Variants in AOAH observed in about 807,000 individuals in gnomAD.
The protein encoded by AOAH is acyloxyacyl hydrolase, also known as acyloxyacyl hydrolase (neutrophil).
A neutral mutation model predicts 92.2 loss-of-function variants in AOAH; 64 were observed. The observed-to-expected ratio is 0.69, with a 90% CI of 0.57 to 0.86. The LOEUF (loss-of-function observed/expected upper bound fraction) is 0.86, where lower values mean the gene tolerates loss of function less well. Among genes scored for constraint, AOAH ranks in the 40% least tolerant of loss-of-function variants. AOAH has a pLI of 0.00. For synonymous variants in AOAH, 263 were observed against 254.5 expected (o/e 1.03, Z -0.32); for missense variants, 656 against 694.6 (o/e 0.94, Z 0.62).
Position 36,716,739 on chromosome 7 carries a change from G to A in AOAH, c.127+7283C>T, listed in dbSNP as rs949343141. 1.4e-4 allele frequency among the ~76,000 whole-genome samples: 20 copies of A among 144,536 alleles called. 1 individual carries two copies. Among genetic ancestry groups the A allele is most frequent in the Admixed American group, 1.2e-3 (18 of 14,848 alleles). 94.8% of individuals were successfully genotyped at this position (144,536 alleles called of 152,430 possible). A position where few individuals can be genotyped will look rare whatever the true frequency, so the allele number is the denominator to read the frequency against. ...ATCAGAAGGACAACAAACAAAACAC[G>A]GCATGTTCTCAATCATAGGTGGGAA... On this transcript the variant is annotated intron_variant, in intron 1 of 20. Coordinates refer to ENST00000617537, the MANE Select transcript of AOAH (RefSeq NM_001637.4).
chr7:36,579,379 C>CA (rs1254827779), intron 12 of AOAH, among the ~76,000 whole-genome samples: 6 of 125,288 alleles, frequency 4.8e-5, no homozygotes, highest in South Asian at 5.5e-4. Context: ...CCCGCCCCCC[C>CA]CAAATTGTGA....
intron 13 of AOAH, among the ~76,000 whole-genome samples, chr7:36,551,760 T>C (rs188228413): frequency 2.0e-5 from 3 of 152,244 alleles, no homozygotes; most frequent in Non-Finnish European, 4.4e-5. Context: ...CTGCTATGGA[T>C]AGTCCCTGCT....
rs773637247 is a variant in AOAH, at chr7:36,594,336, T to C, written c.938+3A>G. The C allele has an allele frequency of 2.5e-6, 4 of 1,611,646 alleles. No individual in the cohort carries two copies. Among genetic ancestry groups the C allele is most frequent in the Non-Finnish European group, 3.4e-6 (4 of 1,177,698 alleles). On this transcript the variant is annotated splice_donor_region_variant and intron_variant, in intron 12 of 20. Transcript: ENST00000617537. ...ATGTCTGAGGGTGCACAAAGACACT[T>C]ACCCAACAGTGGAGTCCAGAAATCC...
At chr7:36,597,433 T>A (rs1790208656) in intron 11 of AOAH, among the ~76,000 whole-genome samples, 1 of 152,178 alleles carries the variant, frequency 6.6e-6, no homozygotes, top group Non-Finnish European at 1.5e-5. Context: ...TACTGTAGGA[T>A]GAGAATATTC....
At chr7:36,523,471 A>C (rs1384415444) in intron 19 of AOAH, among the ~76,000 whole-genome samples, 1 of 152,198 alleles carries the variant, frequency 6.6e-6, no homozygotes, top group African/African-American at 2.4e-5. Context: ...ATCGATGCTT[A>C]AACAGCACTC....
In AOAH at chr7:36,626,401, A is replaced by G. The variant is rs114406870; in HGVS notation, c.522-3151T>C. Reference sequence around the variant, plus strand: ...CTGATTTATTAACCTTTGTCTGCTTACTTTAAAGGCCCCAAGTGACTGGCC... The same window carrying G: ...CTGATTTATTAACCTTTGTCTGCTTGCTTTAAAGGCCCCAAGTGACTGGCC... On this transcript the variant is annotated intron_variant, in intron 6 of 20. Coordinates refer to ENST00000617537, the MANE Select transcript of AOAH (RefSeq NM_001637.4). Among the ~76,000 whole-genome samples, 843 of 152,334 alleles carry G rather than the reference A, an allele frequency of 5.5e-3. 6 individuals carry two copies. Among genetic ancestry groups the G allele is most frequent in the African/African-American group, 0.019 (792 of 41,578 alleles).
At chr7:36,603,763 A>G (rs1790777764) in intron 11 of AOAH, among the ~76,000 whole-genome samples, 1 of 152,168 alleles carries the variant, frequency 6.6e-6, no homozygotes, top group African/African-American at 2.4e-5. Flanking sequence ...CAACAGACTT[A>G]GTTTGTATCT....
intron 16 of AOAH, among the ~76,000 whole-genome samples, chr7:36,538,454 C>G (rs1342960640): frequency 6.6e-6 from 1 of 152,066 alleles, no homozygotes; most frequent in African/African-American, 2.4e-5. Context: ...AATTGCATGG[C>G]ATATCGGAAA....
chr7:36,551,756 T>C (rs1013682010), intron 13 of AOAH, among the ~76,000 whole-genome samples: 1 of 152,212 alleles, frequency 6.6e-6, no homozygotes, highest in Non-Finnish European at 1.5e-5. Flanking sequence ...AACGCTGCTA[T>C]GGATAGTCCC....
rs148563871 is a variant in AOAH at position 36,540,566 on chromosome 7, G to A, written c.1134-75C>T. On this transcript the variant is annotated intron_variant, in intron 15 of 20. Coordinates refer to ENST00000617537, the MANE Select transcript of AOAH (RefSeq NM_001637.4). Reference sequence around the variant, plus strand: ...GCATGCAAGTTGCACGCAAATACAAGATACATCACACACACATACGCACAC... The same window carrying A: ...GCATGCAAGTTGCACGCAAATACAAAATACATCACACACACATACGCACAC... 1.6e-3 allele frequency: 2,082 copies of A among 1,304,686 alleles called. 3 individuals are homozygous for A. The highest frequency in any genetic ancestry group is 2.9e-3 in the Middle Eastern group (15 of 5,096). 80.8% of individuals were successfully genotyped at this position (1,304,686 alleles called of 1,614,324 possible).
At chr7:36,715,308 C>A (rs1245567884) in intron 1 of AOAH, among the ~76,000 whole-genome samples, 1 of 152,144 alleles carries the variant, frequency 6.6e-6, no homozygotes, top group Non-Finnish European at 1.5e-5. Context: ...CAAACCACTG[C>A]TCAATGAAAT....
intron 12 of AOAH, among the ~76,000 whole-genome samples, chr7:36,581,529 C>G (rs1788932137): frequency 6.6e-6 from 1 of 152,132 alleles, no homozygotes; most frequent in African/African-American, 2.4e-5. Flanking sequence ...GAAATGGACA[C>G]TGGATCTGAG....
chr7:36,606,623 T>C (rs1473355427), intron 11 of AOAH, among the ~76,000 whole-genome samples: 1 of 152,246 alleles, frequency 6.6e-6, no homozygotes, highest in African/African-American at 2.4e-5. Context: ...GCATTTAATA[T>C]GTTGGAAATA....
chr7:36,590,998 G>A (rs907220022), intron 12 of AOAH, among the ~76,000 whole-genome samples: 5 of 152,142 alleles, frequency 3.3e-5, no homozygotes, highest in African/African-American at 1.2e-4. Flanking sequence ...CTGCTGGGAG[G>A]GACATAGCAA....
intron 6 of AOAH, among the ~76,000 whole-genome samples, chr7:36,631,007 C>T (rs1290464400): frequency 6.6e-6 from 1 of 152,190 alleles, no homozygotes; most frequent in Non-Finnish European, 1.5e-5. Flanking sequence ...CCTGGAACAG[C>T]GCCCATAAAC....
intron 13 of AOAH, among the ~76,000 whole-genome samples, chr7:36,566,855 C>T (rs1009953541): frequency 2.6e-5 from 4 of 152,144 alleles, no homozygotes; most frequent in African/African-American, 9.7e-5. Flanking sequence ...GCTGGCAGAC[C>T]ACTGTGCATA....
rs368683892 is a variant in AOAH at position 36,565,556 on chromosome 7, A to G, written c.1021+11018T>C. On this transcript the variant is annotated intron_variant, in intron 13 of 20. Transcript: ENST00000617537. The stretch of plus-strand genomic sequence containing the variant: ...CATCTCTTTTTTTTTTTTTTGAGAC[A>G]GGGTCTCACTTTGTGGCTCAGGTTG... 2.5e-4 allele frequency among the ~76,000 whole-genome samples: 37 copies of G among 150,054 alleles called. No individual in the cohort carries two copies. The South Asian group carries it at 5.5e-3, about 22-fold the overall frequency.
At chr7:36,566,627 A>G (rs1416348478) in intron 13 of AOAH, among the ~76,000 whole-genome samples, 1 of 152,086 alleles carries the variant, frequency 6.6e-6, no homozygotes, top group Admixed American at 6.6e-5. Context: ...CCAGCTCCCA[A>G]TAGATAGAAA....
At chr7:36,655,225 T>A (rs1028173991) in intron 4 of AOAH, among the ~76,000 whole-genome samples, 10 of 152,204 alleles carry the variant, frequency 6.6e-5, no homozygotes, top group Non-Finnish European at 1.5e-4. Context: ...ACAATACCTA[T>A]TCCATAAGAT....
Sources: allele counts gnomAD v4.1 joint callset (sites outside exome capture counted in the v4.1 genomes callset), GRCh38; gene constraint gnomAD v4.1.1; transcripts MANE v1.5; gene names NCBI Gene and HGNC (gene_info 2026-07-23, HGNC 2026-07-21).